The following OSBPL8 variants were observed in gnomAD, a reference collection of about 807,000 sequenced individuals.
OSBPL8 encodes the protein oxysterol-binding protein-related protein 8.
In OSBPL8, 59 loss-of-function variants were observed where a neutral mutation model predicts 125.5. That is an observed-to-expected ratio of 0.47 (90% CI 0.38 to 0.58). The LOEUF is 0.58. Ranked by LOEUF, OSBPL8 falls within the 20% of genes least tolerant of loss-of-function variation. The pLI is 0.00. For missense variants in OSBPL8, 758 were observed against 1,047.8 expected, an observed-to-expected ratio of 0.72 and a Z score of 3.82; for synonymous variants, 330 against 338.9, an observed-to-expected ratio of 0.97 and a Z score of 0.29.
At chr12:76,406,908 C>T (rs897954188) in intron 5 of OSBPL8, among the ~76,000 whole-genome samples, 9 of 152,130 alleles carry the variant, frequency 5.9e-5, no homozygotes, top group African/African-American at 2.2e-4. Flanking sequence ...CCACTGTGCC[C>T]AGCTCCTTTA....
chr12:76,472,051 C>T (rs1439097638), intron 2 of OSBPL8, among the ~76,000 whole-genome samples: 8 of 152,188 alleles, frequency 5.3e-5, no homozygotes, highest in Non-Finnish European at 8.8e-5. Context: ...TATGAATTAA[C>T]GCTAAACACA....
At chr12:76,416,876 T>C (rs1868743040) in intron 4 of OSBPL8, among the ~76,000 whole-genome samples, 1 of 152,178 alleles carries the variant, frequency 6.6e-6, no homozygotes, top group South Asian at 2.1e-4. Context: ...TCTTGTCTTC[T>C]ATTTATTATA....
At chr12:76,458,098 C>T (rs1020322234) in intron 3 of OSBPL8, among the ~76,000 whole-genome samples, 3 of 151,836 alleles carry the variant, frequency 2.0e-5, no homozygotes, top group East Asian at 2.0e-4. Flanking sequence ...GTAGGAAAAC[C>T]CTGTGTCTAC....
intron 1 of OSBPL8, among the ~76,000 whole-genome samples, chr12:76,550,838 T>G (rs140581070): frequency 6.6e-6 from 1 of 152,192 alleles, no homozygotes; most frequent in Non-Finnish European, 1.5e-5. Flanking sequence ...CCAGGGTTCA[T>G]GCCTGTAATC....
chr12:76,447,854 T>A (rs1872902337), intron 4 of OSBPL8, among the ~76,000 whole-genome samples: 1 of 152,158 alleles, frequency 6.6e-6, no homozygotes, highest in Non-Finnish European at 1.5e-5. Context: ...GTCAGCCAAG[T>A]TTCTTAAAAC....
chr12:76,520,594 T>C (rs1193752452), intron 1 of OSBPL8, among the ~76,000 whole-genome samples: 1 of 152,104 alleles, frequency 6.6e-6, no homozygotes, highest in Non-Finnish European at 1.5e-5. Context: ...CCAAACAAAG[T>C]ATGGCAAGAA....
rs376094736 is a variant in OSBPL8, at chr12:76,450,915, A to C, written c.153T>G (p.Ala51=). Residue 51 remains alanine (A), a synonymous_variant, in exon 4 of 24, where the codon GCT becomes GCG. Coordinates refer to ENST00000261183, the MANE Select transcript of OSBPL8 (RefSeq NM_020841.5). ...GCAAATCTTTGGTTGGCGTTGGATAAGCTTCTTTTCCTTGGCGCTGACTCA... is the reference window on the plus strand; with the variant it reads ...GCAAATCTTTGGTTGGCGTTGGATACGCTTCTTTTCCTTGGCGCTGACTCA... ...GKMSQRQGKE[A]YPTPTKDLHQ... 6.2e-7 allele frequency: 1 copy of C among 1,614,090 alleles called. No individual in the cohort carries two copies. Among genetic ancestry groups the C allele is most frequent in the Non-Finnish European group, 8.5e-7 (1 of 1,179,986 alleles).
intron 1 of OSBPL8, among the ~76,000 whole-genome samples, chr12:76,527,892 C>G (rs1950222150): frequency 6.6e-6 from 1 of 152,148 alleles, no homozygotes; most frequent in Non-Finnish European, 1.5e-5. Context: ...GAGTAACAGG[C>G]AGTCAGTGCT....
intron 4 of OSBPL8, among the ~76,000 whole-genome samples, chr12:76,418,492 C>T (rs1869024030): frequency 6.6e-6 from 1 of 152,106 alleles, no homozygotes; most frequent in Admixed American, 6.6e-5. Flanking sequence ...AACATACATC[C>T]AGGCTGACTT....
chr12:76,556,258 T>G (rs1247824832), intron 1 of OSBPL8, among the ~76,000 whole-genome samples: 1 of 152,218 alleles, frequency 6.6e-6, no homozygotes, highest in Non-Finnish European at 1.5e-5. Context: ...TTACATTATC[T>G]GGATCTTCGA....
intron 1 of OSBPL8, among the ~76,000 whole-genome samples, chr12:76,512,881 T>C (rs1881143813): frequency 6.6e-6 from 1 of 152,242 alleles, no homozygotes; most frequent in Non-Finnish European, 1.5e-5. Flanking sequence ...TTTATAATTC[T>C]CATTATACAG....
intron 1 of OSBPL8, among the ~76,000 whole-genome samples, chr12:76,544,840 T>TAA (rs1023727587): frequency 1.4e-5 from 2 of 141,170 alleles, no homozygotes; most frequent in African/African-American, 5.2e-5. Context: ...ACACTGAGTC[T>TAA]AAAAAAAAAA....
At chr12:76,385,704 G>T (rs2136270316) in intron 14 of OSBPL8, among the ~76,000 whole-genome samples, 1 of 152,054 alleles carries the variant, frequency 6.6e-6, no homozygotes, top group East Asian at 1.9e-4. Flanking sequence ...TAAAAATGAG[G>T]AAAGAAAGTG....
intron 3 of OSBPL8, among the ~76,000 whole-genome samples, chr12:76,453,850 C>T (rs891174181): frequency 1.3e-5 from 2 of 151,820 alleles, no homozygotes; most frequent in Admixed American, 1.3e-4. Context: ...TTCAATAAAT[C>T]ATTAGAAAAA....
Position 76,358,823 on chromosome 12 carries a change from A to T in OSBPL8, c.2329-12T>A. 1 of 1,606,698 alleles carries T rather than the reference A, an allele frequency of 6.2e-7. No individual in the cohort carries two copies. The highest frequency in any genetic ancestry group is 8.5e-7 in the Non-Finnish European group (1 of 1,173,360). On this transcript the variant is annotated splice_polypyrimidine_tract_variant and intron_variant, in intron 21 of 23. Coordinates refer to ENST00000261183, the MANE Select transcript of OSBPL8 (RefSeq NM_020841.5). ...TTGGGGACGCTAACCTAAAGAAAAA[A>T]ATAACTATTTTGTGAATTTGCACTG...
intron 4 of OSBPL8, among the ~76,000 whole-genome samples, chr12:76,441,557 A>T (rs1311004507): frequency 6.6e-6 from 1 of 152,124 alleles, no homozygotes; most frequent in East Asian, 1.9e-4. Flanking sequence ...TAAAAAGGAG[A>T]TTTCAATCTG....
intron 1 of OSBPL8, among the ~76,000 whole-genome samples, chr12:76,551,173 A>G (rs1366235755): frequency 6.6e-6 from 1 of 152,240 alleles, no homozygotes; most frequent in Non-Finnish European, 1.5e-5. Context: ...ATATACAGAA[A>G]TGAACTGCTC....
chr12:76,378,400 A>C, intron 16 of OSBPL8, 52 bp downstream of exon 16: 1 of 1,257,712 alleles, frequency 8.0e-7, no homozygotes, highest in Non-Finnish European at 1.1e-6. Flanking sequence ...AGCTACATAC[A>C]TTTACTTAAA....
chr12:76,558,569 C>A (rs1191599831), intron 1 of OSBPL8, among the ~76,000 whole-genome samples: 1 of 152,190 alleles, frequency 6.6e-6, no homozygotes, highest in African/African-American at 2.4e-5. Context: ...TATATACTTA[C>A]ATTATCAGTT....
Sources: gnomAD v4.1 joint callset for allele counts (sites outside exome capture counted in the v4.1 genomes callset) on GRCh38, gnomAD v4.1.1 for gene constraint, MANE v1.5 for transcripts, NCBI Gene and HGNC (gene_info 2026-07-23, HGNC 2026-07-21) for gene names.